ZYG11B: variants seen among roughly 807,000 people sequenced by gnomAD.
ZYG11B encodes zyg-11 family member B, cell cycle regulator, also known as protein zyg-11 homolog B.
A neutral mutation model predicts 82.4 loss-of-function variants in ZYG11B; 36 were observed. The ratio of observed to expected loss-of-function variants is 0.44; its 90% CI spans 0.33 to 0.58. ZYG11B has a LOEUF of 0.58. Among genes scored for constraint, ZYG11B ranks in the 20% least tolerant of loss-of-function variants. ZYG11B has a pLI of 0.02. For synonymous variants in ZYG11B, 303 were observed against 312.8 expected, an observed-to-expected ratio of 0.97 and a Z score of 0.33; for missense variants, 552 against 895.6, an observed-to-expected ratio of 0.62 and a Z score of 4.90.
chr1:52,786,270 G>A (rs1255383701), intron 5 of ZYG11B, among the ~76,000 whole-genome samples: 1 of 152,062 alleles, frequency 6.6e-6, no homozygotes, highest in African/African-American at 2.4e-5. Context: ...GGGGGAAATG[G>A]GAAGTCACTG....
At chr1:52,784,753 C>T in intron 4 of ZYG11B, 124 bp from the exon 5 acceptor site, 1 of 1,042,966 alleles carries the variant, frequency 9.6e-7, no homozygotes, top group Non-Finnish European at 1.4e-6. Context: ...GCTCTTTGCA[C>T]ATGAGGATGA....
intron 10 of ZYG11B, among the ~76,000 whole-genome samples, chr1:52,802,914 G>A (rs1645089473): frequency 6.6e-6 from 1 of 151,056 alleles, no homozygotes; most frequent in South Asian, 2.1e-4. Flanking sequence ...TAGTTACTCC[G>A]GAGGCTGAGG....
chr1:52,793,364 G>A (rs1486238827), intron 6 of ZYG11B, among the ~76,000 whole-genome samples: 1 of 152,032 alleles, frequency 6.6e-6, no homozygotes, highest in Non-Finnish European at 1.5e-5. Flanking sequence ...CAAAAAATTA[G>A]CCAGGTGTGG....
intron 2 of ZYG11B, among the ~76,000 whole-genome samples, chr1:52,767,945 G>A (rs1390616364): frequency 6.6e-6 from 1 of 152,112 alleles, no homozygotes. Flanking sequence ...ACATCGTGGT[G>A]GGGGATAGTT....
At position 52,745,981 on chromosome 1, in the gene ZYG11B, C is replaced by T. The variant is rs552898995; in HGVS notation, c.31-10477C>T. Reference sequence around the variant, plus strand: ...ATTTAACTTTTTTTTTTTTTTGAGACGGAGTCTCACTCTGTCGCCTAGGCT... The same window carrying T: ...ATTTAACTTTTTTTTTTTTTTGAGATGGAGTCTCACTCTGTCGCCTAGGCT... On this transcript the variant is annotated intron_variant, in intron 1 of 13. Transcript: ENST00000294353. Among the ~76,000 whole-genome samples the T allele has an allele frequency of 1.7e-4, 25 of 146,586 alleles. No individual in the cohort carries two copies. In the South Asian group the frequency reaches 2.6e-3, roughly 15 times the overall value.
chr1:52,814,794 A>G (rs1645210311), intron 12 of ZYG11B, among the ~76,000 whole-genome samples: 1 of 152,178 alleles, frequency 6.6e-6, no homozygotes, highest in Non-Finnish European at 1.5e-5. Flanking sequence ...GGAGATTTTT[A>G]GGAAGAAAAA....
chr1:52,807,303 A>C (rs569915354), intron 10 of ZYG11B, among the ~76,000 whole-genome samples: 1 of 151,294 alleles, frequency 6.6e-6, no homozygotes, highest in African/African-American at 2.4e-5. Context: ...TCCCAGCCCA[A>C]TGTGATGTTG....
rs1645317380 is a variant in ZYG11B, at chr1:52,825,529, C to T, written c.*3900C>T. 1.3e-5 allele frequency: 2 copies of T among 151,918 alleles called. No homozygotes were observed. Among genetic ancestry groups the T allele is most frequent in the East Asian group, 1.9e-4 (1 of 5,162 alleles). The allele number at this position is 151,918 out of a possible 1,614,324, so 9.4% of individuals were successfully genotyped here. A position where few individuals can be genotyped will look rare whatever the true frequency, so the allele number is the denominator to read the frequency against. On this transcript the variant is annotated 3_prime_UTR_variant, in exon 14 of 14. Transcript: ENST00000294353. ...CGTGATATATTTCATTTGCAAACTT[C>T]TACATAATCAAGTTTTATGTTTAAA...
rs1558122878 is a variant in ZYG11B at position 52,756,419 on chromosome 1, GT to G, written c.31-34del. 3.2e-6 allele frequency: 5 copies of G among 1,586,458 alleles called. No individual in the cohort carries two copies. In the Admixed American group the frequency reaches 9.1e-5, roughly 29 times the overall value. On this transcript the variant is annotated intron_variant, in intron 1 of 13. Coordinates refer to ENST00000294353, the MANE Select transcript of ZYG11B (RefSeq NM_024646.3). ...TGCTTTTCTGGAAACTAACTAGTTG[GT>G]TTTTGTGTTTCTTTTATATTTTTCC...
intron 10 of ZYG11B, among the ~76,000 whole-genome samples, chr1:52,808,029 AT>A (rs1281619664): frequency 6.6e-6 from 1 of 152,100 alleles, no homozygotes; most frequent in Non-Finnish European, 1.5e-5. Flanking sequence ...CTTTGTACTT[AT>A]GTATGTACAC....
chr1:52,770,090 ATATT>A (rs1416811483), intron 2 of ZYG11B, among the ~76,000 whole-genome samples: 249 of 71,060 alleles, frequency 3.5e-3, no homozygotes, highest in African/African-American at 0.011. Flanking sequence ...ATATATATAT[ATATT>A]TTTTTTTTTT....
At chr1:52,806,898 T>C (rs1645145726) in intron 10 of ZYG11B, among the ~76,000 whole-genome samples, 1 of 151,956 alleles carries the variant, frequency 6.6e-6, no homozygotes, top group African/African-American at 2.4e-5. Flanking sequence ...AGACGGAGTC[T>C]TGCTCTGTTG....
intron 2 of ZYG11B, among the ~76,000 whole-genome samples, chr1:52,763,924 G>A (rs1644658238): frequency 6.6e-6 from 1 of 152,108 alleles, no homozygotes; most frequent in Non-Finnish European, 1.5e-5. Context: ...AGACTTTCTA[G>A]GTGCTTGAAA....
At chr1:52,760,369 C>T (rs546549033) in intron 2 of ZYG11B, among the ~76,000 whole-genome samples, 20 of 152,056 alleles carry the variant, frequency 1.3e-4, no homozygotes, top group East Asian at 1.9e-4. Context: ...TGCTTGAACA[C>T]GGAGGTGGAG....
chr1:52,821,514 C>T lies in ZYG11B; in HGVS notation c.2120C>T (p.Thr707Ile), dbSNP rs751461011. 6.2e-6 allele frequency: 10 copies of T among 1,613,994 alleles called. No individual in the cohort carries two copies. The highest frequency in any genetic ancestry group is 8.5e-6 in the Non-Finnish European group (10 of 1,179,982). The change falls in exon 14 of 14, where the codon ACT becomes ATT. Residue 707 changes from threonine (T) to isoleucine (I), a missense_variant. By Grantham distance (89) the Thr-to-Ile change is moderately conservative (BLOSUM62 -1). Transcript: ENST00000294353. ...HLYNIKDHEHTDPHVQQIAVA... is the reference protein window; with the variant it reads ...HLYNIKDHEHIDPHVQQIAVA... ...TACAACATCAAAGATCATGAACATA[C>T]TGATCCCCATGTCCAACAGATTGCT...
At chr1:52,779,279 T>C (rs974518575) in intron 3 of ZYG11B, among the ~76,000 whole-genome samples, 5 of 152,154 alleles carry the variant, frequency 3.3e-5, no homozygotes, top group South Asian at 2.1e-4. Flanking sequence ...TAGGGCCTTA[T>C]AATAGTGTTA....
intron 10 of ZYG11B, chr1:52,805,347 C>T: frequency 2.7e-6 from 1 of 368,104 alleles, no homozygotes; most frequent in Admixed American, 3.2e-5. Flanking sequence ...TGAGGACTGC[C>T]ATTTAAGGAA....
At chr1:52,741,315 A>AAAAAAAAAG (rs1553257617) in intron 1 of ZYG11B, among the ~76,000 whole-genome samples, 9 of 142,590 alleles carry the variant, frequency 6.3e-5, no homozygotes, top group African/African-American at 2.6e-4. Context: ...AAAAAAAAAA[A>AAAAAAAAAG]AAAAGAAAAG....
In ZYG11B at chr1:52,818,190, G is replaced by A. The variant is rs571369319; in HGVS notation, c.2044+1561G>A. ...AAAAATAATTTTTCAAAAATTATAG[G>A]GGCCGGGCATAATGGCTCATCCCTA... On this transcript the variant is annotated intron_variant, in intron 13 of 13. Transcript: ENST00000294353. Among the ~76,000 whole-genome samples the A allele has an allele frequency of 3.9e-5, 6 of 151,986 alleles. No individual in the cohort carries two copies. The South Asian group carries it at 1.2e-3, about 32-fold the overall frequency.
Sources: gnomAD v4.1 joint callset for allele counts (sites outside exome capture counted in the v4.1 genomes callset) on GRCh38, gnomAD v4.1.1 for gene constraint, MANE v1.5 for transcripts, NCBI Gene and HGNC (gene_info 2026-07-23, HGNC 2026-07-21) for gene names.